Variants in BACH2 observed in about 807,000 individuals in gnomAD.
BACH2 encodes BACH transcriptional regulator 2.
In BACH2, 5 loss-of-function variants were observed where a neutral mutation model predicts 61.8. That is an observed-to-expected ratio of 0.08 (90% CI 0.04 to 0.17). BACH2 has a LOEUF of 0.17. Among genes scored for constraint, BACH2 ranks in the 10% least tolerant of loss-of-function variants. The probability of loss-of-function intolerance (pLI) is 1.00; values close to 1 mark genes in which losing one functional copy is unlikely to be tolerated. For synonymous variants in BACH2, 446 were observed against 440.1 expected (o/e 1.01, Z -0.17); for missense variants, 824 against 1,091.1 (o/e 0.76, Z 3.45).
chr6:89,976,651 C>A (rs1480540119), intron 6 of BACH2, among the ~76,000 whole-genome samples: 1 of 152,164 alleles, frequency 6.6e-6, no homozygotes, highest in Non-Finnish European at 1.5e-5. Flanking sequence ...ACGAAACAAT[C>A]ACACTTTATG....
chr6:90,033,601 G>A, intron 5 of BACH2, among the ~76,000 whole-genome samples: 1 of 152,064 alleles, frequency 6.6e-6, no homozygotes, highest in East Asian at 1.9e-4. Context: ...GGTTTTCTGA[G>A]CAGCTTAGCA....
intron 2 of BACH2, among the ~76,000 whole-genome samples, chr6:90,264,682 G>A (rs763176303): frequency 1.6e-4 from 25 of 152,208 alleles, no homozygotes; most frequent in Non-Finnish European, 3.2e-4. Context: ...CTGGAAGTGT[G>A]TATCTGGGAT....
intron 6 of BACH2, among the ~76,000 whole-genome samples, chr6:89,971,924 C>G (rs1416891491): frequency 2.0e-5 from 3 of 152,160 alleles, no homozygotes; most frequent in Non-Finnish European, 4.4e-5. Context: ...GGGGACACAG[C>G]CAAACCATGT....
At chr6:90,194,001 A>C (rs1267835234) in intron 4 of BACH2, among the ~76,000 whole-genome samples, 1 of 152,180 alleles carries the variant, frequency 6.6e-6, no homozygotes, top group East Asian at 1.9e-4. Flanking sequence ...GAATTTCCTC[A>C]AGAATATTAA....
At chr6:90,144,947 C>T (rs1364707901) in intron 4 of BACH2, among the ~76,000 whole-genome samples, 1 of 152,214 alleles carries the variant, frequency 6.6e-6, no homozygotes, top group Admixed American at 6.5e-5. Flanking sequence ...AAGATGGGAG[C>T]AGCAACATCC....
intron 5 of BACH2, among the ~76,000 whole-genome samples, chr6:90,082,271 T>C (rs971628900): frequency 4.6e-5 from 7 of 152,162 alleles, no homozygotes; most frequent in Admixed American, 1.3e-4. Context: ...CATAACTGAA[T>C]CTTCCTTTAT....
chr6:90,037,359 T>C (rs1208802975), intron 5 of BACH2, among the ~76,000 whole-genome samples: 1 of 152,234 alleles, frequency 6.6e-6, no homozygotes, highest in Non-Finnish European at 1.5e-5. Context: ...ATGCCAAGCC[T>C]GTAACCTACA....
chr6:90,101,945 T>C (rs956762287), intron 4 of BACH2, among the ~76,000 whole-genome samples: 3 of 152,214 alleles, frequency 2.0e-5, no homozygotes, highest in Admixed American at 2.0e-4. Flanking sequence ...TGTAATTTCA[T>C]TTTTCTTGCT....
intron 3 of BACH2, among the ~76,000 whole-genome samples, chr6:90,227,289 C>G (rs1465762522): frequency 6.6e-6 from 1 of 152,232 alleles, no homozygotes; most frequent in Non-Finnish European, 1.5e-5. Flanking sequence ...CATGATCCCT[C>G]GGGCGGTATA....
chr6:90,057,047 G>A (rs546760492), intron 5 of BACH2, among the ~76,000 whole-genome samples: 269 of 151,932 alleles, frequency 1.8e-3, no homozygotes, highest in Non-Finnish European at 2.7e-3. Context: ...ACACCCTAAC[G>A]TCACAATTAA....
At chr6:89,993,063 C>T (rs991765165) in intron 6 of BACH2, among the ~76,000 whole-genome samples, 7 of 152,266 alleles carry the variant, frequency 4.6e-5, no homozygotes, top group African/African-American at 7.2e-5. Context: ...CACAAGGAGG[C>T]GGCTGTCTGT....
At chr6:90,035,853 T>C (rs1779236618) in intron 5 of BACH2, among the ~76,000 whole-genome samples, 1 of 151,844 alleles carries the variant, frequency 6.6e-6, no homozygotes. Flanking sequence ...TTAGTAACAA[T>C]AACAGAAGAA....
At chr6:90,243,913 C>A (rs1770543411) in intron 3 of BACH2, among the ~76,000 whole-genome samples, 1 of 152,062 alleles carries the variant, frequency 6.6e-6, no homozygotes, top group South Asian at 2.1e-4. Context: ...AGTCATAGGA[C>A]ATTCATTTTT....
chr6:89,958,670 T>A lies in BACH2; in HGVS notation c.244-6808A>T, dbSNP rs186177661. ...GTACGTAACAGAGGTATTTGCAGGA[T>A]GCTGGGAGGACAGGGCTGGAGCAGT... On this transcript the variant is annotated intron_variant, in intron 6 of 8. Coordinates refer to ENST00000257749, the MANE Select transcript of BACH2 (RefSeq NM_021813.4). Among the ~76,000 whole-genome samples, 361 of 152,346 alleles carry A rather than the reference T, an allele frequency of 2.4e-3. 3 individuals carry two copies. The highest frequency in any genetic ancestry group is 6.4e-3 in the African/African-American group (266 of 41,580).
chr6:90,211,338 T>G (rs1027594184), intron 3 of BACH2, among the ~76,000 whole-genome samples: 3 of 152,130 alleles, frequency 2.0e-5, no homozygotes, highest in Non-Finnish European at 4.4e-5. Flanking sequence ...GGGCTCCTGG[T>G]GACAATTCCA....
intron 5 of BACH2, among the ~76,000 whole-genome samples, chr6:90,061,701 A>G (rs1204850932): frequency 1.3e-5 from 2 of 152,126 alleles, no homozygotes; most frequent in Non-Finnish European, 2.9e-5. Flanking sequence ...GGTGATTGAG[A>G]AGGAAAAAAA....
At chr6:90,032,114 C>T (rs2127788306) in intron 5 of BACH2, among the ~76,000 whole-genome samples, 1 of 151,994 alleles carries the variant, frequency 6.6e-6, no homozygotes, top group South Asian at 2.1e-4. Flanking sequence ...GAAAGGATTC[C>T]CTATTTAATA....
chr6:90,178,201 C>A (rs1768041059), intron 4 of BACH2, among the ~76,000 whole-genome samples: 1 of 152,194 alleles, frequency 6.6e-6, no homozygotes, highest in South Asian at 2.1e-4. Flanking sequence ...TTTTCACAAA[C>A]CTCGGAGAGA....
At chr6:90,206,107 T>C (rs1252686520) in intron 4 of BACH2, among the ~76,000 whole-genome samples, 1 of 152,202 alleles carries the variant, frequency 6.6e-6, no homozygotes, top group Admixed American at 6.6e-5. Context: ...TATTAAGCAC[T>C]GGTATACGCA....
Sources: gnomAD v4.1 joint callset for allele counts (sites outside exome capture counted in the v4.1 genomes callset) on GRCh38, gnomAD v4.1.1 for gene constraint, MANE v1.5 for transcripts, NCBI Gene and HGNC (gene_info 2026-07-23, HGNC 2026-07-21) for gene names.